GPHN: variants seen among roughly 807,000 people sequenced by gnomAD.
The protein encoded by GPHN is gephyrin.
A neutral mutation model predicts 95.5 loss-of-function variants in GPHN; 17 were observed. That is an observed-to-expected ratio of 0.18 (90% CI 0.12 to 0.27). The LOEUF is 0.27. Among genes scored for constraint, GPHN ranks in the 10% least tolerant of loss-of-function variants. The pLI is 1.00. For missense variants in GPHN, 660 were observed against 978.1 expected, an observed-to-expected ratio of 0.67 and a Z score of 4.34; for synonymous variants, 320 against 322.5, an observed-to-expected ratio of 0.99 and a Z score of 0.08.
the GPHN span, chr14:67,333,499 T>C: frequency 2.0e-5 from 3 of 152,634 alleles, no homozygotes; most frequent in Admixed American, 6.5e-5. Context: ...GGTGCCACTT[T>C]GGGTTGAAGC....
chr14:67,017,197 C>T (rs1337574748), intron 9 of GPHN, among the ~76,000 whole-genome samples: 1 of 152,034 alleles, frequency 6.6e-6, no homozygotes. Flanking sequence ...CACATAAGAG[C>T]TATTATTAAA....
At chr14:67,430,333 C>T in the GPHN span, among the ~76,000 whole-genome samples, 2 of 152,210 alleles carry the variant, frequency 1.3e-5, no homozygotes, top group African/African-American at 2.4e-5. Flanking sequence ...GGAAAAATAC[C>T]CACTGTAAGT....
intron 4 of GPHN, among the ~76,000 whole-genome samples, chr14:66,849,006 G>A (rs1408390962): frequency 1.3e-5 from 2 of 151,716 alleles, no homozygotes; most frequent in Non-Finnish European, 3.0e-5. Flanking sequence ...ATTTTTATAA[G>A]TACTTTGTAT....
intron 17 of GPHN, among the ~76,000 whole-genome samples, chr14:67,134,947 TTTC>T: frequency 7.2e-6 from 1 of 137,958 alleles, no homozygotes; most frequent in Non-Finnish European, 1.6e-5. Context: ...TCTTTCTTTC[TTTC>T]TTCTTTTTTT....
the GPHN span, chr14:67,674,574 T>C: frequency 2.5e-6 from 3 of 1,197,728 alleles, no homozygotes; most frequent in Non-Finnish European, 2.2e-6. Context: ...CCCAGCCCAG[T>C]GGCCATAACG....
chr14:67,027,001 C>G (rs2073959390), intron 10 of GPHN, among the ~76,000 whole-genome samples: 1 of 152,118 alleles, frequency 6.6e-6, no homozygotes, highest in Non-Finnish European at 1.5e-5. Flanking sequence ...ATAAGGCCTT[C>G]AAAACCCGAT....
the GPHN span, chr14:67,592,176 T>C: frequency 2.3e-5 from 5 of 218,772 alleles, no homozygotes; most frequent in Non-Finnish European, 4.8e-5. Context: ...GGCTCATGCT[T>C]GTAATCCCAA....
chr14:67,228,415 C>A, the GPHN span: 2 of 416,458 alleles, frequency 4.8e-6, no homozygotes, highest in South Asian at 2.1e-4. Flanking sequence ...ACTGACTTCT[C>A]CACCTTTTTT....
At chr14:66,728,883 G>A (rs988955204) in intron 2 of GPHN, among the ~76,000 whole-genome samples, 2 of 152,110 alleles carry the variant, frequency 1.3e-5, no homozygotes, top group South Asian at 4.1e-4. Flanking sequence ...AGGGGTCGGG[G>A]TGGAATGATA....
At chr14:67,305,674 C>T in the GPHN span, among the ~76,000 whole-genome samples, 2 of 152,136 alleles carry the variant, frequency 1.3e-5, no homozygotes, top group African/African-American at 2.4e-5. Context: ...TAGAATTAAT[C>T]GAAGTGTTAC....
At chr14:66,608,317 T>A (rs2062637078) in intron 1 of GPHN, among the ~76,000 whole-genome samples, 1 of 152,058 alleles carries the variant, frequency 6.6e-6, no homozygotes, top group African/African-American at 2.4e-5. Context: ...TTGGTGTTGG[T>A]TTTTGTTTTT....
At chr14:66,548,903 G>A (rs187274828) in intron 1 of GPHN, among the ~76,000 whole-genome samples, 1 of 152,296 alleles carries the variant, frequency 6.6e-6, no homozygotes, top group Non-Finnish European at 1.5e-5. Flanking sequence ...TTATACTTCT[G>A]AGGATCTAAG....
chr14:66,607,536 CCCT>C (rs1470927762), intron 1 of GPHN, among the ~76,000 whole-genome samples: 1 of 151,670 alleles, frequency 6.6e-6, no homozygotes, highest in East Asian at 1.9e-4. Context: ...CAGGGGGAGT[CCCT>C]CCTCCTCAAT....
the GPHN span, among the ~76,000 whole-genome samples, chr14:67,435,590 C>T: frequency 6.6e-6 from 1 of 152,162 alleles, no homozygotes; most frequent in Non-Finnish European, 1.5e-5. Context: ...TATGGTCATA[C>T]AAGTTTTCTT....
the GPHN span, among the ~76,000 whole-genome samples, chr14:67,608,593 T>C: frequency 6.6e-6 from 1 of 152,224 alleles, no homozygotes; most frequent in African/African-American, 2.4e-5. Context: ...ATTGTGTTTT[T>C]TGATGCCGAA....
At chr14:67,025,980 A>G (rs1305611283) in intron 10 of GPHN, among the ~76,000 whole-genome samples, 1 of 152,250 alleles carries the variant, frequency 6.6e-6, no homozygotes, top group African/African-American at 2.4e-5. Context: ...ACTTTGGACC[A>G]AACTTCAAAA....
the GPHN span, chr14:67,599,890 G>T: frequency 1.5e-6 from 1 of 677,180 alleles, no homozygotes. Flanking sequence ...CCCAGAACCC[G>T]TGAGTTCCCG....
intron 2 of GPHN, among the ~76,000 whole-genome samples, chr14:66,744,955 G>C (rs976101166): frequency 6.6e-6 from 1 of 152,068 alleles, no homozygotes; most frequent in African/African-American, 2.4e-5. Context: ...TGTGGTAGAA[G>C]TTTCTAAAGT....
chr14:66,910,507 C>T (rs1424629638), intron 5 of GPHN, among the ~76,000 whole-genome samples: 1 of 151,950 alleles, frequency 6.6e-6, no homozygotes, highest in Non-Finnish European at 1.5e-5. Context: ...AACTGCACAT[C>T]TGCTTATTCC....
Sources: gnomAD v4.1 joint callset for allele counts (sites outside exome capture counted in the v4.1 genomes callset) on GRCh38, gnomAD v4.1.1 for gene constraint, MANE v1.5 for transcripts, NCBI Gene and HGNC (gene_info 2026-07-23, HGNC 2026-07-21) for gene names.